NEK10: variants seen among roughly 807,000 people sequenced by gnomAD.
The protein encoded by NEK10 is NIMA related kinase 10, also known as serine/threonine-protein kinase Nek10.
A neutral mutation model predicts 159.8 loss-of-function variants in NEK10; 122 were observed. That is an observed-to-expected ratio of 0.76 (90% CI 0.66 to 0.89). NEK10 has a LOEUF of 0.89. Among genes scored for constraint, NEK10 ranks in the 40% least tolerant of loss-of-function variants. NEK10 has a pLI of 0.00. For synonymous variants in NEK10, 466 were observed against 457.1 expected, an observed-to-expected ratio of 1.02 and a Z score of -0.25; for missense variants, 1,342 against 1,323.1, an observed-to-expected ratio of 1.01 and a Z score of -0.22.
chr3:27,203,272 T>C (rs1305941856), intron 23 of NEK10, among the ~76,000 whole-genome samples: 1 of 152,106 alleles, frequency 6.6e-6, no homozygotes, highest in East Asian at 1.9e-4. Flanking sequence ...AGGTGTTAAT[T>C]TGGAAAAAAA....
chr3:27,262,967 C>A (rs1195783235), intron 22 of NEK10, among the ~76,000 whole-genome samples: 1 of 152,172 alleles, frequency 6.6e-6, no homozygotes, highest in South Asian at 2.1e-4. Context: ...TACCTTTGGT[C>A]TTTGATGATG....
chr3:27,331,824 A>G (rs570950172), intron 5 of NEK10, among the ~76,000 whole-genome samples: 4 of 152,338 alleles, frequency 2.6e-5, no homozygotes, highest in Admixed American at 1.3e-4. Flanking sequence ...TCGTGGAAAC[A>G]TTTCTCACCT....
At position 27,141,565 on chromosome 3, in the gene NEK10, C is replaced by T; in HGVS notation, c.2887G>A (p.Val963Met). The T allele has an allele frequency of 6.2e-7, 1 of 1,613,106 alleles. No individual in the cohort carries two copies. The highest frequency in any genetic ancestry group is 8.5e-7 in the Non-Finnish European group (1 of 1,179,336). ...ATCTGACGCACTTTCCTCTGGGACA[C>T]AGCAATTCCTGCTGATGCTGTGGGT... ...RPRPASAGIA[V>M]SQRKVRQISD... The change falls in exon 31 of 36, where the codon GTG (valine) becomes ATG (methionine). Residue 963 changes from valine (V) to methionine (M), a missense_variant. Transcript: ENST00000691995.
chr3:27,131,932 G>C lies in NEK10; in HGVS notation c.3029C>G (p.Ser1010Cys), dbSNP rs1942666833. ...KRRVIERFKKSLFSQQSNPCN... is the reference protein window; with the variant it reads ...KRRVIERFKKCLFSQQSNPCN... The stretch of plus-strand genomic sequence containing the variant: ...AGGGTTACTCTGCTGGCTGAAGAGG[G>C]ATTTCTTGAATCTCTCTATAACCCT... Residue 1010 changes from serine to cysteine, a missense_variant, in exon 32 of 36, where the codon TCC becomes TGC. Transcript: ENST00000691995. 1 of 1,608,940 alleles carries C rather than the reference G, an allele frequency of 6.2e-7. No individual in the cohort carries two copies. The highest frequency in any genetic ancestry group is 8.5e-7 in the Non-Finnish European group (1 of 1,176,616).
chr3:27,287,238 A>C (rs1163330986), intron 20 of NEK10, among the ~76,000 whole-genome samples: 1 of 152,048 alleles, frequency 6.6e-6, no homozygotes, highest in Non-Finnish European at 1.5e-5. Context: ...GGCTGCCAGA[A>C]TCAGTCTGGG....
At chr3:27,205,960 C>T (rs946061188) in intron 23 of NEK10, among the ~76,000 whole-genome samples, 1 of 143,370 alleles carries the variant, frequency 7.0e-6, no homozygotes, top group East Asian at 2.0e-4. Context: ...ACCTACTCAT[C>T]TGACAAAGGG....
At chr3:27,242,838 T>C (rs1954703794) in intron 23 of NEK10, among the ~76,000 whole-genome samples, 1 of 152,196 alleles carries the variant, frequency 6.6e-6, no homozygotes, top group Non-Finnish European at 1.5e-5. Context: ...GACCAATATA[T>C]GTAAAATCTT....
At chr3:27,289,668 G>A (rs1470162630) in intron 19 of NEK10, among the ~76,000 whole-genome samples, 6 of 152,192 alleles carry the variant, frequency 3.9e-5, no homozygotes, top group Non-Finnish European at 8.8e-5. Context: ...ACTGGCTTAG[G>A]TCAAAAGCCC....
intron 12 of NEK10, 118 bp downstream of exon 12, chr3:27,304,629 C>A: frequency 2.9e-6 from 2 of 678,630 alleles, no homozygotes; most frequent in South Asian, 1.8e-5. Flanking sequence ...GCATGAATTA[C>A]CAAAGAAATC....
intron 28 of NEK10, among the ~76,000 whole-genome samples, chr3:27,173,366 C>A (rs908657805): frequency 1.3e-5 from 2 of 152,168 alleles, no homozygotes; most frequent in Non-Finnish European, 2.9e-5. Context: ...TATCTCAAAA[C>A]AGTCAGTAAT....
intron 22 of NEK10, among the ~76,000 whole-genome samples, chr3:27,273,918 G>A (rs530836184): frequency 3.4e-4 from 50 of 148,090 alleles, no homozygotes; most frequent in Admixed American, 6.0e-4. Flanking sequence ...TTCCCTCAAC[G>A]AACCCCTGTC....
At chr3:27,342,860 A>T (rs1004117868) in intron 5 of NEK10, among the ~76,000 whole-genome samples, 5 of 152,102 alleles carry the variant, frequency 3.3e-5, no homozygotes, top group Admixed American at 3.3e-4. Context: ...ATGCATAATG[A>T]TTCTGTTATT....
intron 6 of NEK10, among the ~76,000 whole-genome samples, chr3:27,314,923 T>C (rs933602095): frequency 3.3e-5 from 5 of 152,166 alleles, no homozygotes; most frequent in African/African-American, 4.8e-5. Flanking sequence ...TTGGGAAGCA[T>C]TGCTCTAGGA....
intron 22 of NEK10, among the ~76,000 whole-genome samples, chr3:27,266,690 G>T (rs1243781837): frequency 3.9e-5 from 6 of 152,164 alleles, no homozygotes; most frequent in Non-Finnish European, 7.4e-5. Context: ...GCCCTGCTTT[G>T]TTAATGGAGC....
rs1258884333 is a variant in NEK10, at chr3:27,107,894, T to C, written c.*3378A>G. Among the ~76,000 whole-genome samples the C allele has an allele frequency of 6.6e-6, 1 of 152,106 alleles. No homozygotes were observed. The highest frequency in any genetic ancestry group is 1.5e-5 in the Non-Finnish European group (1 of 68,018). On this transcript the variant is annotated 3_prime_UTR_variant, in exon 36 of 36. Coordinates refer to ENST00000691995, the MANE Select transcript of NEK10 (RefSeq NM_001394966.1). ...TTGACTGTGCATGATTCCTCACCAC[T>C]TCAAAAAAAGAGAAAAATAGCAATA...
At chr3:27,254,646 G>C (rs1226567643) in intron 23 of NEK10, among the ~76,000 whole-genome samples, 1 of 147,502 alleles carries the variant, frequency 6.8e-6, no homozygotes, top group Non-Finnish European at 1.5e-5. Context: ...TGAGAGAAGG[G>C]AGTAGAAAGA....
chr3:27,206,264 C>A (rs992924937), intron 23 of NEK10, among the ~76,000 whole-genome samples: 18 of 152,140 alleles, frequency 1.2e-4, no homozygotes, highest in Non-Finnish European at 2.6e-4. Context: ...AGTAGAAGTA[C>A]TAGTCACTCT....
At chr3:27,174,921 C>T in intron 26 of NEK10, 88 bp from the exon 27 acceptor site, 1 of 1,063,026 alleles carries the variant, frequency 9.4e-7, no homozygotes, top group Non-Finnish European at 1.4e-6. Context: ...ATATTAACTG[C>T]TTCAAATATC....
At chr3:27,328,015 A>G (rs972279003) in intron 5 of NEK10, among the ~76,000 whole-genome samples, 4 of 151,918 alleles carry the variant, frequency 2.6e-5, no homozygotes, top group African/African-American at 9.7e-5. Flanking sequence ...TTATTTTGCT[A>G]TTCTTAACAG....
Sources: allele counts gnomAD v4.1 joint callset (sites outside exome capture counted in the v4.1 genomes callset), GRCh38; gene constraint gnomAD v4.1.1; transcripts MANE v1.5; gene names NCBI Gene and HGNC (gene_info 2026-07-23, HGNC 2026-07-21).